Variants in C21orf58 observed in about 807,000 individuals in gnomAD.
C21orf58 encodes uncharacterized protein C21orf58.
C21orf58 carries 34 observed loss-of-function variants against 35.8 expected under a neutral mutation model. The observed-to-expected ratio is 0.95, with a 90% CI of 0.72 to 1.26. The LOEUF (loss-of-function observed/expected upper bound fraction) is 1.26, where lower values mean the gene tolerates loss of function less well. C21orf58 is among the 50% of genes most tolerant of loss of function. C21orf58 has a pLI of 0.00. For synonymous variants in C21orf58, 191 were observed against 175.8 expected, an observed-to-expected ratio of 1.09 and a Z score of -0.68; for missense variants, 440 against 414.3, an observed-to-expected ratio of 1.06 and a Z score of -0.54.
At chr21:46,317,734 G>A (rs2083024289) in intron 2 of C21orf58, among the ~76,000 whole-genome samples, 1 of 152,212 alleles carries the variant, frequency 6.6e-6, no homozygotes, top group Non-Finnish European at 1.5e-5. Context: ...AGCAGGAGAG[G>A]GAACAATGCA....
chr21:46,300,594 G>A, downstream of C21orf58: 1 of 1,144,014 alleles, frequency 8.7e-7, no homozygotes. Flanking sequence ...AGAAGTGAGT[G>A]TTACTGCCAG....
At chr21:46,302,663 A>G in intron 6 of C21orf58, 87 bp from the exon 7 acceptor site, 2 of 1,096,120 alleles carry the variant, frequency 1.8e-6, no homozygotes, top group South Asian at 2.8e-5. Context: ...ACCAGAGAAC[A>G]GGTGTGTCTG....
chr21:46,311,743 CCACCCACTCATCCAT>C (rs2082710813), intron 5 of C21orf58, 176 bp from the exon 6 acceptor site: 1 of 445,840 alleles, frequency 2.2e-6, no homozygotes, highest in Non-Finnish European at 4.1e-6. Context: ...AACCAACCAT[CCACCCACTCATCCAT>C]CCACCCATCC....
At position 46,322,674 on chromosome 21, in the gene C21orf58, A is replaced by G; in HGVS notation, c.65T>C (p.Leu22Pro). 2.5e-6 allele frequency: 4 copies of G among 1,592,322 alleles called. No homozygotes were observed. The highest frequency in any genetic ancestry group is 3.4e-6 in the Non-Finnish European group (4 of 1,168,994). ...RKPWKLDRQK[L>P]PSPDSGHSLL... ...ACTGTGGCCTGAGTCAGGAGAAGGA[A>G]GTTTCTGGCGGTCGAGCTTCCACGG... Residue 22 changes from leucine to proline, a missense_variant, in exon 1 of 8, where the codon CTT becomes CCT. Transcript: ENST00000291691.
At position 46,301,570 on chromosome 21, in the gene C21orf58, CT is replaced by C; in HGVS notation, c.*428del. ...ATGTGGCTAAAGCTATTGATCTTTT[CT>C]GTTCTGGCTCCTGAGCTGAGATTTT... On this transcript the variant is annotated 3_prime_UTR_variant, in exon 8 of 8. Transcript: ENST00000291691. The C allele has an allele frequency of 1.0e-6, 1 of 994,038 alleles. No homozygotes were observed. The highest frequency in any genetic ancestry group is 1.2e-6 in the Non-Finnish European group (1 of 835,956). 61.6% of individuals were successfully genotyped at this position (994,038 alleles called of 1,614,324 possible).
At chr21:46,319,376 G>A (rs575979883) in intron 1 of C21orf58, among the ~76,000 whole-genome samples, 2 of 152,226 alleles carry the variant, frequency 1.3e-5, no homozygotes, top group African/African-American at 4.8e-5. Context: ...GTGGGCTAGG[G>A]TCACATGACC....
Position 46,301,770 on chromosome 21 carries a change from C to A in C21orf58, c.*229G>T, listed in dbSNP as rs1027218725. On this transcript the variant is annotated 3_prime_UTR_variant, in exon 8 of 8. Coordinates refer to ENST00000291691, the MANE Select transcript of C21orf58 (RefSeq NM_058180.5). ...TGTTGCCCTGGTGGGGTTCACAGGCCCCTCACTGCAGGGGACCCGGAGCAA... is the reference window on the plus strand; with the variant it reads ...TGTTGCCCTGGTGGGGTTCACAGGCACCTCACTGCAGGGGACCCGGAGCAA... 8.1e-7 allele frequency: 1 copy of A among 1,230,544 alleles called. No individual in the cohort carries two copies. Among genetic ancestry groups the A allele is most frequent in the Admixed American group, 4.2e-5 (1 of 23,570 alleles). 76.2% of individuals were successfully genotyped at this position (1,230,544 alleles called of 1,614,324 possible). A position where few individuals can be genotyped will look rare whatever the true frequency, so the allele number is the denominator to read the frequency against.
chr21:46,319,789 C>T (rs771910720), intron 1 of C21orf58, among the ~76,000 whole-genome samples: 2 of 150,868 alleles, frequency 1.3e-5, no homozygotes, highest in African/African-American at 2.4e-5. Flanking sequence ...CCCAGCTACT[C>T]GGGAGGCTGA....
At chr21:46,315,151 T>A in intron 4 of C21orf58, 1 of 825,958 alleles carries the variant, frequency 1.2e-6, no homozygotes, top group Non-Finnish European at 1.8e-6. Context: ...TACTTTTTTC[T>A]AGGTCTCCCC....
In C21orf58 at chr21:46,302,005, T is replaced by C; in HGVS notation, c.963A>G (p.Pro321=). Residue 321 remains proline (P), a synonymous_variant, in exon 8 of 8, where the codon CCA becomes CCG. Transcript: ENST00000291691. ...GGGTCTCTGTGACTCACACTCAGGG[T>C]GGGCCAGGCGTCCACAGGCTGGGGG... ...QPAPSLWTPG[P]P is the part of the protein sequence containing the mutation. 6.5e-7 allele frequency: 1 copy of C among 1,530,168 alleles called. No individual in the cohort carries two copies. The highest frequency in any genetic ancestry group is 1.2e-5 in the South Asian group (1 of 82,484). 94.8% of individuals were successfully genotyped at this position (1,530,168 alleles called of 1,614,324 possible). A position where few individuals can be genotyped will look rare whatever the true frequency, so the allele number is the denominator to read the frequency against.
intron 6 of C21orf58, among the ~76,000 whole-genome samples, chr21:46,308,563 G>C (rs2145982730): frequency 6.6e-6 from 1 of 152,308 alleles, no homozygotes; most frequent in Middle Eastern, 3.4e-3. Context: ...AGGCAGGAAT[G>C]TCCACGACAG....
chr21:46,300,694 ACT>A, downstream of C21orf58: 1 of 1,284,102 alleles, frequency 7.8e-7, no homozygotes, highest in Admixed American at 2.4e-5. Flanking sequence ...CTCAGTGGCA[ACT>A]CTCTGGTCAT....
chr21:46,303,401 A>G (rs2082214646), intron 6 of C21orf58, among the ~76,000 whole-genome samples: 2 of 151,926 alleles, frequency 1.3e-5, no homozygotes, highest in African/African-American at 4.8e-5. Flanking sequence ...GTGAAAAGGC[A>G]ACCACAAGAA....
rs527595332 is a variant in C21orf58 at position 46,318,016 on chromosome 21, C to A, written c.305G>T (p.Gly102Val). The change falls in exon 2 of 8, where the codon GGA becomes GTA. Residue 102 changes from glycine to valine, a missense_variant. Physicochemically the swap from Gly to Val is moderately radical, Grantham distance 109 (BLOSUM62 -3). Coordinates refer to ENST00000291691, the MANE Select transcript of C21orf58 (RefSeq NM_058180.5). Reference sequence around the variant, plus strand: ...GCATCCCGGGCTCTGCCTCACCTGTCCCAAGAGCTTCAGCGTCAGTCGGGT... The same window carrying A: ...GCATCCCGGGCTCTGCCTCACCTGTACCAAGAGCTTCAGCGTCAGTCGGGT... ...QVTRLTLKLL[G>V]QKLEQERQNV... 15 of 1,613,350 alleles carry A rather than the reference C, an allele frequency of 9.3e-6. No individual in the cohort carries two copies. The East Asian group carries it at 2.9e-4, about 31-fold the overall frequency.
chr21:46,300,799 TAGG>T, downstream of C21orf58: 5 of 1,288,256 alleles, frequency 3.9e-6, no homozygotes, highest in South Asian at 4.9e-5. Context: ...TCTGTCCTAA[TAGG>T]GGGTGAATGA....
chr21:46,311,673 A>G (rs1303455605), intron 5 of C21orf58, 106 bp from the exon 6 acceptor site: 2 of 551,042 alleles, frequency 3.6e-6, no homozygotes, highest in East Asian at 6.5e-5. Flanking sequence ...CCAACCAACC[A>G]ACCATCCACC....
At position 46,315,477 on chromosome 21, in the gene C21orf58, G is replaced by A; in HGVS notation, c.441C>T (p.Leu147=). ...GCTCAGAGGGTGCAGGGCCTACCCG[G>A]AGTCTCTGCAGAAGGTCCCTCCTTC... ...LKRRRDLLQR[L]REQHLLDELS... The change falls in exon 4 of 8, where the codon CTC becomes CTT. Residue 147 remains leucine, a synonymous_variant. Coordinates refer to ENST00000291691, the MANE Select transcript of C21orf58 (RefSeq NM_058180.5). The A allele has an allele frequency of 6.3e-7, 1 of 1,592,694 alleles. No homozygotes were observed. Among genetic ancestry groups the A allele is most frequent in the Non-Finnish European group, 8.6e-7 (1 of 1,160,876 alleles).
chr21:46,307,450 A>C (rs1160836921), intron 6 of C21orf58, among the ~76,000 whole-genome samples: 3 of 149,458 alleles, frequency 2.0e-5, no homozygotes, highest in Non-Finnish European at 2.9e-5. Context: ...ACACACACCC[A>C]CACACACACC....
intron 1 of C21orf58, chr21:46,320,618 TCTTA>T (rs2083123869): frequency 6.8e-6 from 1 of 147,980 alleles, no homozygotes; most frequent in African/African-American, 2.5e-5. Context: ...AACAAGACAC[TCTTA>T]CTATCAGTCC....
Sources: gnomAD v4.1 joint callset for allele counts (sites outside exome capture counted in the v4.1 genomes callset) on GRCh38, gnomAD v4.1.1 for gene constraint, MANE v1.5 for transcripts, NCBI Gene and HGNC (gene_info 2026-07-23, HGNC 2026-07-21) for gene names.